The following ZNF723 variants were observed in gnomAD, a reference collection of about 807,000 sequenced individuals.
The protein encoded by ZNF723 is zinc finger protein 723, pseudogene.
ZNF723 carries 5 observed loss-of-function variants against 9.4 expected under a neutral mutation model. The ratio of observed to expected loss-of-function variants is 0.53; its 90% CI spans 0.28 to 1.12. The LOEUF (loss-of-function observed/expected upper bound fraction) is 1.12. Among genes scored for constraint, ZNF723 ranks in the 50% most tolerant of loss-of-function variants. The pLI, the probability that ZNF723 is intolerant of heterozygous loss-of-function variation, is 0.10. For missense variants in ZNF723, 450 were observed against 501.5 expected (o/e 0.90, Z 0.98); for synonymous variants, 158 against 168.8 (o/e 0.94, Z 0.49).
chr19:22,842,629 C>T (rs993509294), intron 1 of ZNF723, among the ~76,000 whole-genome samples: 1 of 152,204 alleles, frequency 6.6e-6, no homozygotes, highest in Non-Finnish European at 1.5e-5. Flanking sequence ...GGTCTACTTA[C>T]ATTCATGTTG....
chr19:22,836,772 T>C lies in ZNF723; in HGVS notation c.3+4390T>C, dbSNP rs572993774. On this transcript the variant is annotated intron_variant, in intron 1 of 3. Transcript: ENST00000600766. ...AAGATTTGCAGAGTCTATGTCTGGC[T>C]GTGATAGGTAAGCACAAAAAGGATA... Among the ~76,000 whole-genome samples the C allele has an allele frequency of 1.5e-3, 236 of 152,356 alleles. 1 individual carries two copies. Among genetic ancestry groups the C allele is most frequent in the African/African-American group, 5.5e-3 (230 of 41,588 alleles).
At chr19:22,844,179 A>G (rs1419485733) in intron 1 of ZNF723, among the ~76,000 whole-genome samples, 1 of 152,222 alleles carries the variant, frequency 6.6e-6, no homozygotes, top group African/African-American at 2.4e-5. Flanking sequence ...TATGTATTTT[A>G]ATGTCTTAAT....
intron 1 of ZNF723, among the ~76,000 whole-genome samples, chr19:22,844,681 G>A (rs954767220): frequency 6.6e-6 from 1 of 152,160 alleles, no homozygotes. Context: ...CTTTAGGATG[G>A]AGATTAGTTA....
At chr19:22,851,605 ATCTGACTG>A (rs1257980270) in intron 3 of ZNF723, among the ~76,000 whole-genome samples, 3 of 152,134 alleles carry the variant, frequency 2.0e-5, no homozygotes, top group Admixed American at 1.3e-4. Context: ...GTCTCAAGTG[ATCTGACTG>A]TCTTTGCCTC....
chr19:22,844,220 A>G (rs1311796114), intron 1 of ZNF723, among the ~76,000 whole-genome samples: 1 of 152,236 alleles, frequency 6.6e-6, no homozygotes, highest in African/African-American at 2.4e-5. Context: ...CAGTGCTTGC[A>G]GATTCCATTT....
intron 1 of ZNF723, among the ~76,000 whole-genome samples, chr19:22,837,641 C>A (rs1055330306): frequency 8.5e-5 from 13 of 152,222 alleles, no homozygotes; most frequent in African/African-American, 2.9e-4. Flanking sequence ...TGAGAGAGGA[C>A]TGAAAACTTA....
At chr19:22,820,518 C>T in the ZNF723 span, among the ~76,000 whole-genome samples, 2 of 152,174 alleles carry the variant, frequency 1.3e-5, no homozygotes, top group Non-Finnish European at 2.9e-5. Flanking sequence ...CTGCTTCCTT[C>T]CTATCCACAG....
intron 3 of ZNF723, among the ~76,000 whole-genome samples, chr19:22,855,643 GT>G (rs1195717777): frequency 6.6e-6 from 1 of 152,096 alleles, no homozygotes; most frequent in Admixed American, 6.6e-5. Flanking sequence ...ACTTTGGAAG[GT>G]TTTTTTATTT....
the ZNF723 span, among the ~76,000 whole-genome samples, chr19:22,819,848 T>A: frequency 6.6e-6 from 1 of 152,198 alleles, no homozygotes; most frequent in Non-Finnish European, 1.5e-5. Flanking sequence ...CTAAGTGAAG[T>A]GATTCTCCTC....
Position 22,832,311 on chromosome 19 carries a change from G to T in ZNF723, c.-69G>T, listed in dbSNP as rs1030121380. 23 of 1,320,196 alleles carry T rather than the reference G, an allele frequency of 1.7e-5. No homozygotes were observed. Among genetic ancestry groups the T allele is most frequent in the Admixed American group, 1.3e-4 (7 of 55,464 alleles). The allele number at this position is 1,320,196 out of a possible 1,614,324, so 81.8% of individuals were successfully genotyped here. A position where few individuals can be genotyped will look rare whatever the true frequency, so the allele number is the denominator to read the frequency against. On this transcript the variant is annotated 5_prime_UTR_variant, in exon 1 of 4. Coordinates refer to ENST00000600766, the MANE Select transcript of ZNF723 (RefSeq NM_001349726.2). ...GCGGCCTTTTGAGTTCCTGGTCTCT[G>T]TGGCCTCCTGACCTACATGCATTGG...
Position 22,857,912 on chromosome 19 carries a change from T to C in ZNF723, c.1021T>C (p.Tyr341His). 6.9e-7 allele frequency: 1 copy of C among 1,451,810 alleles called. No homozygotes were observed. Among genetic ancestry groups the C allele is most frequent in the Non-Finnish European group, 9.7e-7 (1 of 1,032,946 alleles). The allele number at this position is 1,451,810 out of a possible 1,614,324, so 89.9% of individuals were successfully genotyped here. ...GAGAATTCATACTGGAGAGAAACTC[T>C]ACAAATGTGAAGAATGTGGCAAAGC... is the stretch of plus-strand genomic sequence containing the variant. ...HKRIHTGEKL[Y>H]KCEECGKAFS... is the part of the protein sequence containing the mutation. Residue 341 changes from tyrosine to histidine, a missense_variant, in exon 4 of 4, where the codon TAC becomes CAC. Coordinates refer to ENST00000600766, the MANE Select transcript of ZNF723 (RefSeq NM_001349726.2).
At chr19:22,825,388 C>G in the ZNF723 span, among the ~76,000 whole-genome samples, 1 of 152,228 alleles carries the variant, frequency 6.6e-6, no homozygotes, top group African/African-American at 2.4e-5. Context: ...AATTATAAAT[C>G]TAACCACAGA....
chr19:22,835,469 G>A (rs1334435630), intron 1 of ZNF723, among the ~76,000 whole-genome samples: 4 of 152,104 alleles, frequency 2.6e-5, no homozygotes, highest in Admixed American at 2.6e-4. Flanking sequence ...GCATAAAAGA[G>A]GTGAGTTTCA....
chr19:22,854,212 A>C (rs1018553807), intron 3 of ZNF723, among the ~76,000 whole-genome samples: 9 of 152,180 alleles, frequency 5.9e-5, no homozygotes, highest in African/African-American at 2.2e-4. Flanking sequence ...TATTATTGTT[A>C]ATTTCCTTCT....
intron 3 of ZNF723, among the ~76,000 whole-genome samples, chr19:22,850,300 G>T (rs1472984732): frequency 6.6e-6 from 1 of 151,842 alleles, no homozygotes; most frequent in East Asian, 1.9e-4. Flanking sequence ...TCCGCCTCCC[G>T]GATTCAAGTG....
intron 1 of ZNF723, among the ~76,000 whole-genome samples, chr19:22,834,704 A>T (rs1438358807): frequency 6.6e-6 from 1 of 152,176 alleles, no homozygotes; most frequent in Admixed American, 6.5e-5. Flanking sequence ...TTTAGACATT[A>T]AGATTGTCTT....
chr19:22,835,197 C>T (rs142472055), intron 1 of ZNF723, among the ~76,000 whole-genome samples: 3 of 151,960 alleles, frequency 2.0e-5, no homozygotes, highest in Non-Finnish European at 4.4e-5. Flanking sequence ...CCTGCCACCA[C>T]ACCCAGCTAA....
chr19:22,840,696 G>A (rs1428381229), intron 1 of ZNF723: 2 of 152,222 alleles, frequency 1.3e-5, no homozygotes, highest in East Asian at 3.9e-4. Flanking sequence ...TTGGGTTTCT[G>A]TTTCAGAAGC....
rs967240071 is a variant in ZNF723 at position 22,857,801 on chromosome 19, A to C, written c.910A>C (p.Lys304Gln). ...TGTGTTCTCAAGCCTTAATAATCAT[A>C]AGAGAATTCATACTGGAGAGAAACC... Reference protein sequence around the residue: ...FNVFSSLNNHKRIHTGEKPYK... With the variant: ...FNVFSSLNNHQRIHTGEKPYK... The change falls in exon 4 of 4, where the codon AAG (lysine) becomes CAG (glutamine). Residue 304 changes from lysine (K) to glutamine (Q), a missense_variant. By Grantham distance (53) the Lys-to-Gln change is moderately conservative. Around this residue, in one of 5 missense-constraint regions of ZNF723, gnomAD observed 237 missense variants for 332.2 expected, o/e 0.71. Coordinates refer to ENST00000600766, the MANE Select transcript of ZNF723 (RefSeq NM_001349726.2). The C allele has an allele frequency of 2.2e-6, 3 of 1,374,552 alleles. No individual in the cohort carries two copies. The highest frequency in any genetic ancestry group is 2.8e-5 in the African/African-American group (2 of 70,210). The allele number at this position is 1,374,552 out of a possible 1,614,324, so 85.1% of individuals were successfully genotyped here. A position where few individuals can be genotyped will look rare whatever the true frequency, so the allele number is the denominator to read the frequency against.
Sources: gnomAD v4.1 joint callset for allele counts (sites outside exome capture counted in the v4.1 genomes callset) on GRCh38, gnomAD v4.1.1 for gene constraint, gnomAD v4.1.1 regional missense constraint, MANE v1.5 for transcripts, NCBI Gene and HGNC (gene_info 2026-07-23, HGNC 2026-07-21) for gene names.